Variants in ZDHHC14 observed in about 807,000 individuals in gnomAD.
The protein encoded by ZDHHC14 is zDHHC palmitoyltransferase 14, also known as palmitoyltransferase ZDHHC14.
A neutral mutation model predicts 47.7 loss-of-function variants in ZDHHC14; 16 were observed. The observed-to-expected ratio is 0.34, with a 90% CI of 0.23 to 0.51. ZDHHC14 has a LOEUF of 0.51. Ranked by LOEUF, ZDHHC14 falls within the 20% of genes least tolerant of loss-of-function variation. The probability of loss-of-function intolerance (pLI) is 0.97; values close to 1 mark genes in which losing one functional copy is unlikely to be tolerated. For synonymous variants in ZDHHC14, 293 were observed against 278.9 expected, an observed-to-expected ratio of 1.05 and a Z score of -0.50; for missense variants, 515 against 662.5, an observed-to-expected ratio of 0.78 and a Z score of 2.44.
intron 1 of ZDHHC14, among the ~76,000 whole-genome samples, chr6:157,410,014 TA>T (rs969133394): frequency 2.0e-5 from 3 of 152,074 alleles, no homozygotes; most frequent in African/African-American, 7.2e-5. Context: ...GTGTTTTTAG[TA>T]GAGACGGGTA....
chr6:157,606,101 T>G (rs1583009615), intron 3 of ZDHHC14, among the ~76,000 whole-genome samples: 2 of 152,308 alleles, frequency 1.3e-5, no homozygotes, highest in South Asian at 4.2e-4. Flanking sequence ...ATTTTAGTTT[T>G]CAGGATAACA....
At chr6:157,472,570 C>T (rs1308229007) in intron 1 of ZDHHC14, among the ~76,000 whole-genome samples, 3 of 152,178 alleles carry the variant, frequency 2.0e-5, no homozygotes, top group Admixed American at 6.5e-5. Context: ...AGCCAGAATC[C>T]ACACTTACCA....
chr6:157,445,105 TACAC>T (rs533031947), intron 1 of ZDHHC14, among the ~76,000 whole-genome samples: 3,850 of 131,736 alleles, frequency 0.029, 169 homozygotes, highest in African/African-American at 0.097. Context: ...TGCCAGATAT[TACAC>T]ACACACACAC....
At chr6:157,546,747 T>A (rs1781987516) in intron 2 of ZDHHC14, among the ~76,000 whole-genome samples, 2 of 152,150 alleles carry the variant, frequency 1.3e-5, no homozygotes, top group Non-Finnish European at 2.9e-5. Flanking sequence ...TGACAAAAAC[T>A]GTACTAGAAA....
intron 7 of ZDHHC14, among the ~76,000 whole-genome samples, chr6:157,651,354 C>G (rs1777829707): frequency 6.6e-6 from 1 of 152,182 alleles, no homozygotes; most frequent in Non-Finnish European, 1.5e-5. Context: ...TCCTGTGTGT[C>G]TCTGTACCCT....
intron 5 of ZDHHC14, among the ~76,000 whole-genome samples, chr6:157,640,891 G>C (rs919766583): frequency 1.3e-5 from 2 of 152,238 alleles, no homozygotes; most frequent in East Asian, 3.8e-4. Context: ...CCGTTCTGCT[G>C]TAGGAACCCT....
At chr6:157,638,082 G>A (rs1271610650) in intron 5 of ZDHHC14, among the ~76,000 whole-genome samples, 1 of 152,134 alleles carries the variant, frequency 6.6e-6, no homozygotes, top group Admixed American at 6.6e-5. Context: ...AGGGGGAGAG[G>A]GAGGGAGGAG....
intron 1 of ZDHHC14, among the ~76,000 whole-genome samples, chr6:157,508,890 G>T (rs2114746568): frequency 6.6e-6 from 1 of 152,166 alleles, no homozygotes; most frequent in Middle Eastern, 3.4e-3. Context: ...TTTTTCTGAT[G>T]ATATAAGTTA....
chr6:157,558,636 T>C (rs1302018468), intron 2 of ZDHHC14, among the ~76,000 whole-genome samples: 3 of 152,196 alleles, frequency 2.0e-5, no homozygotes, highest in African/African-American at 7.2e-5. Flanking sequence ...TTTTTGGTTT[T>C]ATGTCTTCTG....
intron 7 of ZDHHC14, among the ~76,000 whole-genome samples, chr6:157,649,810 C>T (rs764180263): frequency 1.9e-4 from 29 of 152,108 alleles, no homozygotes; most frequent in African/African-American, 4.8e-4. Flanking sequence ...ATAAGCCTGG[C>T]GGGAGGAATG....
intron 1 of ZDHHC14, among the ~76,000 whole-genome samples, chr6:157,445,680 G>A (rs1583651213): frequency 6.6e-6 from 1 of 152,042 alleles, no homozygotes; most frequent in African/African-American, 2.4e-5. Flanking sequence ...TCTCCTTTCC[G>A]CTTTTCTTAT....
At chr6:157,452,812 C>T (rs1301375148) in intron 1 of ZDHHC14, among the ~76,000 whole-genome samples, 7 of 144,622 alleles carry the variant, frequency 4.8e-5, no homozygotes, top group African/African-American at 1.5e-4. Context: ...AAGCGATTCT[C>T]GTGCTTCCAT....
At chr6:157,590,920 A>G (rs753940347) in intron 2 of ZDHHC14, among the ~76,000 whole-genome samples, 1 of 152,236 alleles carries the variant, frequency 6.6e-6, no homozygotes, top group South Asian at 2.1e-4. Flanking sequence ...TTGCATCAGC[A>G]TGACCTGCAT....
chr6:157,402,309 C>T (rs1777659723), intron 1 of ZDHHC14, among the ~76,000 whole-genome samples: 1 of 151,680 alleles, frequency 6.6e-6, no homozygotes, highest in Non-Finnish European at 1.5e-5. Flanking sequence ...GTGAGATATG[C>T]ACCTGCTGAG....
chr6:157,534,772 G>A (rs1781481971), intron 1 of ZDHHC14, among the ~76,000 whole-genome samples: 1 of 151,300 alleles, frequency 6.6e-6, no homozygotes. Context: ...TATTTTTTTT[G>A]TAGAGACGGG....
chr6:157,429,119 T>C (rs1412102069), intron 1 of ZDHHC14, among the ~76,000 whole-genome samples: 1 of 152,152 alleles, frequency 6.6e-6, no homozygotes, highest in Admixed American at 6.5e-5. Context: ...ACTAATTCTT[T>C]GAAAACATTT....
At chr6:157,510,104 G>T (rs1392841833) in intron 1 of ZDHHC14, among the ~76,000 whole-genome samples, 1 of 152,104 alleles carries the variant, frequency 6.6e-6, no homozygotes, top group African/African-American at 2.4e-5. Flanking sequence ...CATTAGTGGG[G>T]CATGATGGCC....
At chr6:157,611,476 G>A (rs1338636696) in intron 3 of ZDHHC14, among the ~76,000 whole-genome samples, 1 of 152,142 alleles carries the variant, frequency 6.6e-6, no homozygotes, top group Non-Finnish European at 1.5e-5. Flanking sequence ...AGCATCCCTG[G>A]CCAATAGGAA....
chr6:157,388,700 CT>C (rs1777365363), intron 1 of ZDHHC14, among the ~76,000 whole-genome samples: 1 of 152,166 alleles, frequency 6.6e-6, no homozygotes, highest in African/African-American at 2.4e-5. Flanking sequence ...GGATGATCTT[CT>C]ACCTCCCCAA....
Sources: allele counts gnomAD v4.1 joint callset (sites outside exome capture counted in the v4.1 genomes callset), GRCh38; gene constraint gnomAD v4.1.1; transcripts MANE v1.5; gene names NCBI Gene and HGNC (gene_info 2026-07-23, HGNC 2026-07-21).